The following TXNDC5 variants were observed in gnomAD, a reference collection of about 807,000 sequenced individuals.
The protein encoded by TXNDC5 is thioredoxin domain-containing protein 5.
TXNDC5 carries 44 observed loss-of-function variants against 52.6 expected under a neutral mutation model. The ratio of observed to expected loss-of-function variants is 0.84; its 90% confidence interval spans 0.66 to 1.08. The LOEUF (loss-of-function observed/expected upper bound fraction) is 1.08, where lower values mean the gene tolerates loss of function less well. Among genes scored for constraint, TXNDC5 ranks in the 50% least tolerant of loss-of-function variants. TXNDC5 has a pLI of 0.00. For missense variants in TXNDC5, 600 were observed against 565.5 expected (o/e 1.06, Z -0.62); for synonymous variants, 241 against 234.4 (o/e 1.03, Z -0.26).
rs969711118 is a variant in TXNDC5, at chr6:7,883,129, C to T, written c.*15G>A. 3.7e-6 allele frequency: 6 copies of T among 1,613,938 alleles called. No individual in the cohort carries two copies. The highest frequency in any genetic ancestry group is 1.3e-5 in the African/African-American group (1 of 74,920). On this transcript the variant is annotated 3_prime_UTR_variant, in exon 10 of 10. Coordinates refer to ENST00000379757, the MANE Select transcript of TXNDC5 (RefSeq NM_030810.5). Reference sequence around the variant, plus strand: ...TGCGGGAGCTGGGCAGGAGAGGTGACCTCCAACTGTGTTCCTAAAGTTCGT... The same window carrying T: ...TGCGGGAGCTGGGCAGGAGAGGTGATCTCCAACTGTGTTCCTAAAGTTCGT...
chr6:7,895,255 A>G, intron 3 of TXNDC5, 53 bp from the exon 4 acceptor site: 1 of 1,525,544 alleles, frequency 6.6e-7, no homozygotes, highest in Non-Finnish European at 8.9e-7. Context: ...ACACAGGGAA[A>G]CCATCCAGGA....
intron 9 of TXNDC5, among the ~76,000 whole-genome samples, chr6:7,883,509 T>G (rs1408976797): frequency 6.6e-6 from 1 of 152,170 alleles, no homozygotes; most frequent in East Asian, 1.9e-4. Context: ...AGGAACGACT[T>G]TACCCTAAAG....
intron 8 of TXNDC5, among the ~76,000 whole-genome samples, chr6:7,884,730 T>C (rs1419952159): frequency 6.6e-6 from 1 of 152,200 alleles, no homozygotes; most frequent in Non-Finnish European, 1.5e-5. Context: ...CAAGCCAGTC[T>C]CAAAACAAGT....
At chr6:7,904,529 A>C (rs1760672813) in intron 2 of TXNDC5, 45 bp downstream of exon 2, 3 of 1,602,076 alleles carry the variant, frequency 1.9e-6, no homozygotes, top group Non-Finnish European at 2.6e-6. Context: ...CTTTCTTTGT[A>C]GCCAGGAGCC....
At chr6:7,906,266 G>T (rs528556154) in intron 1 of TXNDC5, among the ~76,000 whole-genome samples, 2 of 150,486 alleles carry the variant, frequency 1.3e-5, no homozygotes, top group Admixed American at 1.3e-4. Context: ...AGCCGGGTGT[G>T]GTGGCTCACA....
intron 2 of TXNDC5, 102 bp from the exon 3 acceptor site, chr6:7,899,783 T>A: frequency 1.2e-6 from 1 of 800,346 alleles, no homozygotes; most frequent in Non-Finnish European, 2.0e-6. Context: ...GTCAAGGGGC[T>A]GCAGCCAGGC....
intron 6 of TXNDC5, chr6:7,889,199 G>C (rs1181697817): frequency 1.2e-4 from 57 of 462,418 alleles, no homozygotes; most frequent in South Asian, 3.6e-5. Flanking sequence ...GCAAGCCTTA[G>C]CTCTGTTCAA....
At position 7,899,563 on chromosome 6, in the gene TXNDC5, G is replaced by GGGAC; in HGVS notation, c.519+12_519+13insGTCC. The GGGAC allele has an allele frequency of 6.2e-7, 1 of 1,607,074 alleles. No individual in the cohort carries two copies. The highest frequency in any genetic ancestry group is 8.5e-7 in the Non-Finnish European group (1 of 1,174,650). The stretch of plus-strand genomic sequence containing the variant: ...AGGGAGGGAGGGAGGGAGGGAAGGA[G>GGGAC]GTAGACACTCACCACTGGCTCCTCG... On this transcript the variant is annotated intron_variant, in intron 3 of 9. Coordinates refer to ENST00000379757, the MANE Select transcript of TXNDC5 (RefSeq NM_030810.5).
At chr6:7,897,146 A>G (rs2113349078) in intron 3 of TXNDC5, among the ~76,000 whole-genome samples, 1 of 152,340 alleles carries the variant, frequency 6.6e-6, no homozygotes, top group South Asian at 2.1e-4. Flanking sequence ...CACATGATAA[A>G]ATAATATAAG....
At chr6:7,895,968 G>A (rs1760356449) in intron 3 of TXNDC5, among the ~76,000 whole-genome samples, 1 of 152,150 alleles carries the variant, frequency 6.6e-6, no homozygotes, top group African/African-American at 2.4e-5. Flanking sequence ...ACTCCTGCCT[G>A]GGCAACAGAG....
At chr6:7,884,207 C>T (rs986008724) in intron 9 of TXNDC5, 152 bp downstream of exon 9, 1 of 1,045,118 alleles carries the variant, frequency 9.6e-7, no homozygotes, top group Non-Finnish European at 1.4e-6. Context: ...GAGAGGATCT[C>T]TTTTGCTTCT....
chr6:7,904,694 G>A lies in TXNDC5; in HGVS notation c.293C>T (p.Thr98Ile). ...GTATTTGTCTCCCAGGTCATTCCAA[G>A]TCGGCTGCAGCCGCTGGCAGTGTCC... ...WCGHCQRLQPTWNDLGDKYNS... is the reference protein window; with the variant it reads ...WCGHCQRLQPIWNDLGDKYNS... Residue 98 changes from threonine to isoleucine, a missense_variant, in exon 2 of 10, where the codon ACT becomes ATT. Transcript: ENST00000379757. The A allele has an allele frequency of 6.2e-7, 1 of 1,614,188 alleles. No homozygotes were observed. Among genetic ancestry groups the A allele is most frequent in the Non-Finnish European group, 8.5e-7 (1 of 1,180,048 alleles).
chr6:7,887,622 C>T (rs1026757727), intron 7 of TXNDC5, among the ~76,000 whole-genome samples: 1 of 152,214 alleles, frequency 6.6e-6, no homozygotes, highest in Non-Finnish European at 1.5e-5. Context: ...CAGCTTCCCA[C>T]CTCCAGCACA....
Position 7,885,428 on chromosome 6 carries a change from C to G in TXNDC5, c.1046+533G>C, listed in dbSNP as rs116880871. On this transcript the variant is annotated intron_variant, in intron 8 of 9. Coordinates refer to ENST00000379757, the MANE Select transcript of TXNDC5 (RefSeq NM_030810.5). ...GAACCAAGGTTGTCTGGATCTCACA[C>G]TACCTGCAATCCATTTCTGCTCTGG... Among the ~76,000 whole-genome samples, 295 of 152,316 alleles carry G rather than the reference C, an allele frequency of 1.9e-3. 11 individuals are homozygous for G. In the East Asian group the frequency reaches 0.052, roughly 27 times the overall value.
chr6:7,889,192 A>C, intron 6 of TXNDC5: 1 of 446,686 alleles, frequency 2.2e-6, no homozygotes, highest in Non-Finnish European at 4.0e-6. Flanking sequence ...ACCAAGTGCA[A>C]GCCTTAGCTC....
chr6:7,891,057 G>C (rs1760173242), intron 5 of TXNDC5, among the ~76,000 whole-genome samples: 1 of 152,204 alleles, frequency 6.6e-6, no homozygotes, highest in South Asian at 2.1e-4. Context: ...TCTGGTGGGT[G>C]CTGGAAAGTG....
chr6:7,901,745 G>A (rs982113605), intron 2 of TXNDC5, among the ~76,000 whole-genome samples: 7 of 152,138 alleles, frequency 4.6e-5, no homozygotes, highest in Admixed American at 3.3e-4. Flanking sequence ...GCCTCCACAT[G>A]GGCATTTGAG....
At chr6:7,900,688 A>G (rs886721888) in intron 2 of TXNDC5, among the ~76,000 whole-genome samples, 2 of 152,220 alleles carry the variant, frequency 1.3e-5, no homozygotes, top group African/African-American at 4.8e-5. Context: ...GCCTAGCTCT[A>G]GAGACTGGGA....
Position 7,882,767 on chromosome 6 carries a change from T to C in TXNDC5, c.*377A>G. 1 of 196,312 alleles carries C rather than the reference T, an allele frequency of 5.1e-6. No homozygotes were observed. Among genetic ancestry groups the C allele is most frequent in the South Asian group, 1.0e-4 (1 of 9,634 alleles). 12.2% of individuals were successfully genotyped at this position (196,312 alleles called of 1,614,324 possible). A position where few individuals can be genotyped will look rare whatever the true frequency, so the allele number is the denominator to read the frequency against. Reference sequence around the variant, plus strand: ...ACTCGTGGGCAGGTAAACTATGCTTTGGATGTGCTTTCTTTCACCAAAATC... The same window carrying C: ...ACTCGTGGGCAGGTAAACTATGCTTCGGATGTGCTTTCTTTCACCAAAATC... On this transcript the variant is annotated 3_prime_UTR_variant, in exon 10 of 10. Transcript: ENST00000379757.
Sources: gnomAD v4.1 joint callset for allele counts (sites outside exome capture counted in the v4.1 genomes callset) on GRCh38, gnomAD v4.1.1 for gene constraint, MANE v1.5 for transcripts, NCBI Gene and HGNC (gene_info 2026-07-23, HGNC 2026-07-21) for gene names.